SH3BGR: variants seen among roughly 807,000 people sequenced by gnomAD.
SH3BGR encodes SH3 domain-binding glutamic acid-rich protein.
In SH3BGR, 29 loss-of-function variants were observed where a neutral mutation model predicts 24.5. The ratio of observed to expected loss-of-function variants is 1.18; its 90% CI spans 0.88 to 1.61. The LOEUF is 1.61. Among genes scored for constraint, SH3BGR ranks in the 40% most tolerant of loss-of-function variants. The probability of loss-of-function intolerance (pLI) is 0.00; values close to 1 mark genes in which losing one functional copy is unlikely to be tolerated. For synonymous variants in SH3BGR, 55 were observed against 65.7 expected, an observed-to-expected ratio of 0.84 and a Z score of 0.79; for missense variants, 162 against 205.8, an observed-to-expected ratio of 0.79 and a Z score of 1.30.
chr21:39,468,177 A>C (rs935465875), intron 2 of SH3BGR, among the ~76,000 whole-genome samples: 1 of 152,230 alleles, frequency 6.6e-6, no homozygotes, highest in Non-Finnish European at 1.5e-5. Flanking sequence ...TCAGGGCTGT[A>C]AGGAAACACA....
At chr21:39,479,756 T>A (rs1246905742) in intron 3 of SH3BGR, among the ~76,000 whole-genome samples, 1 of 152,074 alleles carries the variant, frequency 6.6e-6, no homozygotes, top group Non-Finnish European at 1.5e-5. Flanking sequence ...TAAATCTACT[T>A]CTTCTTTCTC....
chr21:39,475,217 T>C lies in SH3BGR; in HGVS notation c.312+2T>C. ...TTGGCTCCTCCTCCAGACTCAAAGG[T>C]AAGTTTGAACAAACTCCATTGGGGT... On this transcript the variant is annotated splice_donor_variant, in intron 3 of 6. Transcript: ENST00000333634. LOFTEE classifies it high-confidence loss of function. 1 of 1,594,364 alleles carries C rather than the reference T, an allele frequency of 6.3e-7. No individual in the cohort carries two copies. Among genetic ancestry groups the C allele is most frequent in the Non-Finnish European group, 8.6e-7 (1 of 1,162,264 alleles).
At chr21:39,461,397 A>G (rs1240573019) in intron 1 of SH3BGR, among the ~76,000 whole-genome samples, 1 of 152,166 alleles carries the variant, frequency 6.6e-6, no homozygotes, top group African/African-American at 2.4e-5. Context: ...TTGGCCTCCT[A>G]AAGTGCTGGG....
chr21:39,510,946 T>TATATATATAC (rs1296625247), intron 5 of SH3BGR, among the ~76,000 whole-genome samples: 1 of 139,586 alleles, frequency 7.2e-6, no homozygotes, highest in African/African-American at 2.6e-5. Flanking sequence ...TATATATATA[T>TATATATATAC]ACTTTCTGAA....
chr21:39,513,605 C>G (rs368908773), intron 6 of SH3BGR, among the ~76,000 whole-genome samples: 1 of 152,008 alleles, frequency 6.6e-6, no homozygotes, highest in South Asian at 2.1e-4. Flanking sequence ...CTTTCATGCT[C>G]TGGACCCACA....
At chr21:39,514,172 CATG>C (rs1274402044) in intron 6 of SH3BGR, among the ~76,000 whole-genome samples, 4 of 152,240 alleles carry the variant, frequency 2.6e-5, no homozygotes, top group African/African-American at 7.2e-5. Context: ...TAAAATGCGA[CATG>C]ATGATGCAGT....
chr21:39,489,033 C>T (rs989573243), intron 3 of SH3BGR, among the ~76,000 whole-genome samples: 2 of 152,200 alleles, frequency 1.3e-5, no homozygotes, highest in Admixed American at 1.3e-4. Context: ...TTCAGGCCTC[C>T]ATTCAAGAAG....
At chr21:39,495,595 T>G (rs1569169418) in intron 3 of SH3BGR, among the ~76,000 whole-genome samples, 1 of 152,058 alleles carries the variant, frequency 6.6e-6, no homozygotes, top group Non-Finnish European at 1.5e-5. Flanking sequence ...TCCTCTTGTC[T>G]TAGCCTCCCA....
chr21:39,484,636 G>C (rs767968558), intron 3 of SH3BGR, among the ~76,000 whole-genome samples: 7 of 152,226 alleles, frequency 4.6e-5, no homozygotes, highest in Non-Finnish European at 8.8e-5. Flanking sequence ...TATGAAACCT[G>C]GCCTAGAGAT....
chr21:39,500,295 A>G (rs1050494942), intron 4 of SH3BGR, among the ~76,000 whole-genome samples: 4 of 152,230 alleles, frequency 2.6e-5, no homozygotes, highest in Middle Eastern at 6.8e-3. Flanking sequence ...CCAGTGGGGA[A>G]ATAGAGCTAA....
At chr21:39,502,066 G>T (rs930419040) in intron 4 of SH3BGR, among the ~76,000 whole-genome samples, 4 of 152,214 alleles carry the variant, frequency 2.6e-5, no homozygotes, top group Non-Finnish European at 5.9e-5. Context: ...CCAGCTATTT[G>T]GGAAGCTGAG....
At chr21:39,447,416 C>CTTTTTTT (rs910615975), upstream of SH3BGR, among the ~76,000 whole-genome samples, 12 of 114,708 alleles carry the variant, frequency 1.0e-4, 2 homozygotes, top group Non-Finnish European at 1.4e-4. Context: ...TTCGCTTTTG[C>CTTTTTTT]TTTTTTTTTT....
intron 3 of SH3BGR, among the ~76,000 whole-genome samples, chr21:39,492,500 C>A (rs1359493963): frequency 1.4e-5 from 2 of 146,664 alleles, no homozygotes; most frequent in Admixed American, 6.7e-5. Context: ...ACACACACAC[C>A]ACATTTTCTT....
intron 4 of SH3BGR, among the ~76,000 whole-genome samples, chr21:39,501,112 A>G (rs2078487469): frequency 2.6e-5 from 4 of 152,246 alleles, no homozygotes. Flanking sequence ...TAATTAAAAC[A>G]TAATCTGTTT....
rs577488210 is a variant in SH3BGR at position 39,510,171 on chromosome 21, T to C, written c.435+1144T>C. Among the ~76,000 whole-genome samples, 767 of 126,504 alleles carry C rather than the reference T, an allele frequency of 6.1e-3. 45 individuals carry two copies. The highest frequency in any genetic ancestry group is 1.2e-3 in the East Asian group (6 of 4,998). 83.0% of individuals were successfully genotyped at this position (126,504 alleles called of 152,430 possible). A position where few individuals can be genotyped will look rare whatever the true frequency, so the allele number is the denominator to read the frequency against. On this transcript the variant is annotated intron_variant, in intron 5 of 6. Coordinates refer to ENST00000333634, the MANE Select transcript of SH3BGR (RefSeq NM_007341.3). Reference sequence around the variant, plus strand: ...GTTAGCCAAGATGGTCTCGATCTCCTGACCTTGTGATCCGCCCGCCTCGGC... The same window carrying C: ...GTTAGCCAAGATGGTCTCGATCTCCCGACCTTGTGATCCGCCCGCCTCGGC...
rs7283503 is a variant in SH3BGR at position 39,499,062 on chromosome 21, T to A, written c.313-761T>A. ...AGGGAAGAACCCCTTATAAAACCAT[T>A]AGATCTCGTGAGAACTCACTCACCA... On this transcript the variant is annotated intron_variant, in intron 3 of 6. Transcript: ENST00000333634. 7.7e-3 allele frequency among the ~76,000 whole-genome samples: 1,175 copies of A among 152,200 alleles called. 17 individuals carry two copies. Among genetic ancestry groups the A allele is most frequent in the African/African-American group, 0.027 (1,112 of 41,520 alleles).
chr21:39,492,443 GGTGTGT>G (rs1164205385), intron 3 of SH3BGR, among the ~76,000 whole-genome samples: 3 of 136,554 alleles, frequency 2.2e-5, no homozygotes, highest in African/African-American at 5.5e-5. Context: ...AGTTTCCCTT[GGTGTGT>G]GTGTGTGTGT....
intron 3 of SH3BGR, among the ~76,000 whole-genome samples, chr21:39,496,642 T>C (rs920106982): frequency 2.3e-4 from 35 of 152,178 alleles, no homozygotes; most frequent in African/African-American, 6.7e-4. Context: ...AAGAAAAATA[T>C]ACAAAAATTT....
At chr21:39,514,142 C>T (rs76847003) in intron 6 of SH3BGR, among the ~76,000 whole-genome samples, 13,049 of 152,062 alleles carry the variant, frequency 0.086, 817 homozygotes, top group African/African-American at 0.17. Context: ...CACTGACTCC[C>T]GAAGAGAGTC....
Sources: gnomAD v4.1 joint callset for allele counts (sites outside exome capture counted in the v4.1 genomes callset) on GRCh38, gnomAD v4.1.1 for gene constraint, MANE v1.5 for transcripts, NCBI Gene and HGNC (gene_info 2026-07-23, HGNC 2026-07-21) for gene names.